Variants in TP53BP1 observed in about 807,000 individuals in gnomAD.
TP53BP1 encodes TP53-binding protein 1.
Under a neutral mutation model 200.8 loss-of-function variants are expected in TP53BP1, and 61 were observed. That is an observed-to-expected ratio of 0.30 (90% CI 0.25 to 0.38). The LOEUF (loss-of-function observed/expected upper bound fraction) is 0.38. Ranked by LOEUF, TP53BP1 falls within the 10% of genes least tolerant of loss-of-function variation. The pLI is 1.00. For synonymous variants in TP53BP1, 822 were observed against 844.3 expected, an observed-to-expected ratio of 0.97 and a Z score of 0.46; for missense variants, 2,144 against 2,371.9, an observed-to-expected ratio of 0.90 and a Z score of 2.00.
chr15:43,508,393 C>T (rs1018188132), intron 1 of TP53BP1, among the ~76,000 whole-genome samples: 2 of 152,182 alleles, frequency 1.3e-5, no homozygotes, highest in Non-Finnish European at 2.9e-5. Context: ...AACAGTGGCT[C>T]ACGCTTGTAA....
At chr15:43,434,350 T>C (rs996260736) in intron 16 of TP53BP1, among the ~76,000 whole-genome samples, 4 of 152,216 alleles carry the variant, frequency 2.6e-5, no homozygotes, top group South Asian at 2.1e-4. Flanking sequence ...TTTAAATCTT[T>C]AAGACATCTA....
chr15:43,470,336 T>G (rs914043085), intron 10 of TP53BP1, among the ~76,000 whole-genome samples: 3 of 152,196 alleles, frequency 2.0e-5, no homozygotes, highest in Non-Finnish European at 4.4e-5. Flanking sequence ...ATAAAAAATG[T>G]TAAATTAACT....
intron 12 of TP53BP1, 31 bp downstream of exon 12, chr15:43,455,861 G>T: frequency 6.2e-7 from 1 of 1,607,258 alleles, no homozygotes; most frequent in Non-Finnish European, 8.5e-7. Flanking sequence ...TAATTTAGGT[G>T]GAGACAAGAA....
chr15:43,493,064 G>A lies in TP53BP1; in HGVS notation c.-21C>T, dbSNP rs762735138. The A allele has an allele frequency of 6.2e-7, 1 of 1,612,696 alleles. No individual in the cohort carries two copies. Among genetic ancestry groups the A allele is most frequent in the South Asian group, 1.1e-5 (1 of 90,910 alleles). ...GGCATCCCGGCGGGAGGTCCCTCGC[G>A]CTCGAGCTAGAGGTCTCTGCACGCT... On this transcript the variant is annotated 5_prime_UTR_variant, in exon 1 of 28. Coordinates refer to ENST00000382044, the MANE Select transcript of TP53BP1 (RefSeq NM_001141980.3).
At chr15:43,489,161 C>A (rs566264253) in intron 4 of TP53BP1, among the ~76,000 whole-genome samples, 1 of 152,338 alleles carries the variant, frequency 6.6e-6, no homozygotes, top group African/African-American at 2.4e-5. Context: ...CTCCTCTTTG[C>A]AATGATCACA....
chr15:43,444,689 G>A (rs1241385464), intron 14 of TP53BP1, among the ~76,000 whole-genome samples: 1 of 152,152 alleles, frequency 6.6e-6, no homozygotes, highest in Non-Finnish European at 1.5e-5. Flanking sequence ...AGCTATACAT[G>A]TGAAGTACCT....
chr15:43,407,635 A>G, intron 27 of TP53BP1, 65 bp from the exon 28 acceptor site: 1 of 1,480,674 alleles, frequency 6.8e-7, no homozygotes, highest in African/African-American at 1.4e-5. Context: ...TTAGAAAGAG[A>G]GATTTGATTC....
At chr15:43,438,728 CAAAAAAAAAAAAAA>C (rs397699362) in intron 15 of TP53BP1, among the ~76,000 whole-genome samples, 28 of 21,650 alleles carry the variant, frequency 1.3e-3, no homozygotes, top group African/African-American at 4.9e-3. Flanking sequence ...AAGCAAGAGG[CAAAAAAAAAAAAAA>C]AAAAAAAAAA....
At chr15:43,479,753 G>A in intron 6 of TP53BP1, 106 bp downstream of exon 6, 3 of 1,380,956 alleles carry the variant, frequency 2.2e-6, no homozygotes, top group Non-Finnish European at 3.0e-6. Flanking sequence ...AAATTACTTA[G>A]ATTATATTAA....
At chr15:43,440,752 G>A (rs1377610538) in intron 15 of TP53BP1, among the ~76,000 whole-genome samples, 1 of 151,978 alleles carries the variant, frequency 6.6e-6, no homozygotes, top group Non-Finnish European at 1.5e-5. Flanking sequence ...AGCCAGATGA[G>A]GTGGTACATG....
chr15:43,479,386 G>A lies in TP53BP1; in HGVS notation c.788+11C>T. On this transcript the variant is annotated intron_variant, in intron 7 of 27. Coordinates refer to ENST00000382044, the MANE Select transcript of TP53BP1 (RefSeq NM_001141980.3). ...AAAACTCGTAAATCCTTTTTAGAAA[G>A]TTCGGCTTACCTTGCAGGTGGTGGA... 1 of 1,588,646 alleles carries A rather than the reference G, an allele frequency of 6.3e-7. No homozygotes were observed. Among genetic ancestry groups the A allele is most frequent in the Non-Finnish European group, 8.6e-7 (1 of 1,168,684 alleles).
chr15:43,462,945 T>C (rs1460143103), intron 11 of TP53BP1, among the ~76,000 whole-genome samples: 3 of 152,082 alleles, frequency 2.0e-5, no homozygotes, highest in African/African-American at 4.8e-5. Context: ...TTGTCCCAGT[T>C]ACTTGGGGTG....
chr15:43,509,742 A>G (rs1371729934), intron 1 of TP53BP1, among the ~76,000 whole-genome samples: 2 of 152,144 alleles, frequency 1.3e-5, no homozygotes, highest in African/African-American at 4.8e-5. Flanking sequence ...ACACTGCCCA[A>G]TCAGAACGTG....
intron 16 of TP53BP1, among the ~76,000 whole-genome samples, chr15:43,437,151 C>T (rs690002): frequency 6.6e-6 from 1 of 151,708 alleles, no homozygotes; most frequent in Non-Finnish European, 1.5e-5. Flanking sequence ...AGAGTGAGAC[C>T]CTGTCTCTAA....
intron 24 of TP53BP1, chr15:43,412,549 T>G (rs944954287): frequency 7.8e-6 from 3 of 385,642 alleles, no homozygotes; most frequent in Non-Finnish European, 1.6e-5. Flanking sequence ...ATGTACAGAT[T>G]TAATTTAAGG....
At chr15:43,422,248 C>A in intron 18 of TP53BP1, 122 bp from the exon 19 acceptor site, 1 of 1,176,992 alleles carries the variant, frequency 8.5e-7, no homozygotes, top group Non-Finnish European at 1.2e-6. Flanking sequence ...AATCAGGAGA[C>A]TTTCTGGAAT....
At chr15:43,486,927 A>AT (rs1249411765) in intron 4 of TP53BP1, among the ~76,000 whole-genome samples, 5 of 152,210 alleles carry the variant, frequency 3.3e-5, no homozygotes, top group African/African-American at 1.2e-4. Flanking sequence ...CACCCGGCCT[A>AT]TAAGCCCTTT....
intron 23 of TP53BP1, chr15:43,414,261 C>CAGGAT: frequency 2.5e-6 from 1 of 398,432 alleles, no homozygotes; most frequent in Non-Finnish European, 5.1e-6. Flanking sequence ...TTTTCTGTGC[C>CAGGAT]TCAAAGTCTT....
Position 43,462,015 on chromosome 15 carries a change from T to TGA in TP53BP1, c.1390-4798_1390-4797insTC, listed in dbSNP as rs2046445802. Among the ~76,000 whole-genome samples the TGA allele has an allele frequency of 2.6e-5, 4 of 151,498 alleles. No individual in the cohort carries two copies. In the South Asian group the frequency reaches 8.3e-4, roughly 32 times the overall value. ...TATAATATATAATCTTCATGTAATT[T>TGA]TAGTTAATAAACATATATCAAAAAA... On this transcript the variant is annotated intron_variant, in intron 11 of 27. Coordinates refer to ENST00000382044, the MANE Select transcript of TP53BP1 (RefSeq NM_001141980.3).
Sources: gnomAD v4.1 joint callset for allele counts (sites outside exome capture counted in the v4.1 genomes callset) on GRCh38, gnomAD v4.1.1 for gene constraint, MANE v1.5 for transcripts, NCBI Gene and HGNC (gene_info 2026-07-23, HGNC 2026-07-21) for gene names.